Variants in MINAR1 observed in about 807,000 individuals in gnomAD.
MINAR1 encodes membrane integral NOTCH2 associated receptor 1, also known as major intrinsically disordered Notch2-binding receptor 1.
Under a neutral mutation model 65.1 loss-of-function variants are expected in MINAR1, and 40 were observed. The observed-to-expected ratio is 0.61, with a 90% confidence interval of 0.48 to 0.80. The LOEUF is 0.80. Ranked by LOEUF, MINAR1 falls within the 30% of genes least tolerant of loss-of-function variation. The pLI is 0.00. For missense variants in MINAR1, 1,128 were observed against 1,148.0 expected (o/e 0.98, Z 0.25); for synonymous variants, 482 against 449.1 (o/e 1.07, Z -0.93).
chr15:79,454,738 A>T (rs200675348), intron 1 of MINAR1, among the ~76,000 whole-genome samples: 14 of 83,236 alleles, frequency 1.7e-4, no homozygotes, highest in East Asian at 9.5e-4. Context: ...GATGGGAAAT[A>T]AAAAAAAACC....
chr15:79,425,920 A>T, the MINAR1 span: 2,735 of 152,530 alleles, frequency 0.018, 86 homozygotes, highest in East Asian at 0.1. Flanking sequence ...GTTCTGTTTC[A>T]TCATGGCTGG....
Position 79,433,614 on chromosome 15 carries a change from ATAT to A in MINAR1, c.-51+1078_-51+1080del, listed in dbSNP as rs1437559889. Among the ~76,000 whole-genome samples the A allele has an allele frequency of 2.6e-5, 4 of 152,272 alleles. No individual in the cohort carries two copies. The East Asian group carries it at 5.8e-4, about 22-fold the overall frequency. ...GGGCTCTGCAATTTTATGCTCTGTG[ATAT>A]TATGCATGGCATGAAGAGTTGCTAG... On this transcript the variant is annotated intron_variant, in intron 1 of 3. Coordinates refer to ENST00000305428, the MANE Select transcript of MINAR1 (RefSeq NM_015206.3).
rs1197239114 is a variant in MINAR1 at position 79,442,747 on chromosome 15, T to C, written c.-51+10207T>C. Among the ~76,000 whole-genome samples the C allele has an allele frequency of 6.6e-5, 10 of 151,868 alleles. 1 individual carries two copies. In the South Asian group the frequency reaches 1.0e-3, roughly 16 times the overall value. ...CAGGTCTCGGTAAAAGCAGATAAAT[T>C]GGAACTTGTTTATCTAGTGTTTTTA... is the stretch of plus-strand genomic sequence containing the variant. On this transcript the variant is annotated intron_variant, in intron 1 of 3. Transcript: ENST00000305428.
In MINAR1 at chr15:79,456,680, T is replaced by G. The variant is rs772717180; in HGVS notation, c.533T>G (p.Leu178Arg). The G allele has an allele frequency of 6.2e-7, 1 of 1,614,158 alleles. No homozygotes were observed. Among genetic ancestry groups the G allele is most frequent in the African/African-American group, 1.3e-5 (1 of 75,018 alleles). Residue 178 changes from leucine to arginine, a missense_variant, in exon 2 of 4, where the codon CTG becomes CGG. Leu to Arg is a moderately radical substitution (Grantham distance 102). Transcript: ENST00000305428. Reference protein sequence around the residue: ...QFVPASEPNFLLGVSKEVKNR... With the variant: ...QFVPASEPNFRLGVSKEVKNR... ...GTCCCTGCCTCTGAGCCTAACTTCC[T>G]GTTGGGAGTTAGCAAAGAGGTGAAA...
chr15:79,432,075 T>C (rs1350148477), upstream of MINAR1, among the ~76,000 whole-genome samples: 1 of 151,592 alleles, frequency 6.6e-6, no homozygotes, highest in Non-Finnish European at 1.5e-5. Flanking sequence ...CCAGCCGCGT[T>C]CCCGGCCCGC....
Position 79,457,724 on chromosome 15 carries a change from A to G in MINAR1, c.1577A>G (p.Asp526Gly), listed in dbSNP as rs1305156948. 1.2e-6 allele frequency: 2 copies of G among 1,614,208 alleles called. No individual in the cohort carries two copies. The highest frequency in any genetic ancestry group is 1.7e-6 in the Non-Finnish European group (2 of 1,180,040). ...ATCAGTGACATTTTCCGATTTCTTG[A>G]TGACATGAGCATCAGTGGCTCCACG... is the stretch of plus-strand genomic sequence containing the variant. ...DDISDIFRFL[D>G]DMSISGSTGV... The change falls in exon 2 of 4, where the codon GAT becomes GGT. Residue 526 changes from aspartate to glycine, a missense_variant. Asp to Gly is a moderately conservative substitution (Grantham distance 94). Coordinates refer to ENST00000305428, the MANE Select transcript of MINAR1 (RefSeq NM_015206.3).
In MINAR1 at chr15:79,469,883, G is replaced by C. The variant is rs1022958538; in HGVS notation, c.*1499G>C. On this transcript the variant is annotated 3_prime_UTR_variant, in exon 4 of 4. Coordinates refer to ENST00000305428, the MANE Select transcript of MINAR1 (RefSeq NM_015206.3). ...CGTATGATATAATAAATTTCTAAAA[G>C]ATTTGAGAGCATCTCAATTTTTAAA... The C allele has an allele frequency of 2.0e-5, 3 of 152,642 alleles. No homozygotes were observed. Among genetic ancestry groups the C allele is most frequent in the Non-Finnish European group, 4.4e-5 (3 of 68,032 alleles). The allele number at this position is 152,642 out of a possible 1,614,324, so 9.5% of individuals were successfully genotyped here.
At chr15:79,424,079 C>G in the MINAR1 span, 1 of 152,202 alleles carries the variant, frequency 6.6e-6, no homozygotes, top group South Asian at 2.1e-4. Flanking sequence ...GTCTACCAAC[C>G]TAACATCCCT....
chr15:79,433,982 C>A (rs766543961), intron 1 of MINAR1, among the ~76,000 whole-genome samples: 2 of 152,094 alleles, frequency 1.3e-5, no homozygotes, highest in East Asian at 3.8e-4. Context: ...GAGCAGGAGA[C>A]GGTGGTGAGT....
chr15:79,472,242 A>G lies in MINAR1; in HGVS notation c.*3858A>G, dbSNP rs1415650322. On this transcript the variant is annotated 3_prime_UTR_variant, in exon 4 of 4. Transcript: ENST00000305428. ...TGGTTAATGTACAATGGTTGGTTTG[A>G]AGCTATCATGTAAAATTGGCCTCTC... 6.6e-6 allele frequency: 1 copy of G among 152,646 alleles called. No individual in the cohort carries two copies. The highest frequency in any genetic ancestry group is 1.5e-5 in the Non-Finnish European group (1 of 68,040). The allele number at this position is 152,646 out of a possible 1,614,324, so 9.5% of individuals were successfully genotyped here.
chr15:79,439,209 A>T (rs1894775817), intron 1 of MINAR1, among the ~76,000 whole-genome samples: 1 of 12,720 alleles, frequency 7.9e-5, no homozygotes, highest in Non-Finnish European at 1.8e-4. Flanking sequence ...GTGGGTAGTG[A>T]GTGTGTGGGG....
upstream of MINAR1, among the ~76,000 whole-genome samples, chr15:79,430,107 T>C (rs567666492): frequency 6.6e-6 from 1 of 152,358 alleles, no homozygotes; most frequent in African/African-American, 2.4e-5. Flanking sequence ...TGGCTGGAAC[T>C]GAGTAACTGT....
rs1209719022 is a variant in MINAR1 at position 79,456,308 on chromosome 15, C to A, written c.161C>A (p.Ala54Asp). 1 of 1,614,200 alleles carries A rather than the reference C, an allele frequency of 6.2e-7. No homozygotes were observed. Among genetic ancestry groups the A allele is most frequent in the Non-Finnish European group, 8.5e-7 (1 of 1,180,044 alleles). The change falls in exon 2 of 4, where the codon GCT becomes GAT. Residue 54 changes from alanine (A) to aspartate (D), a missense_variant. Coordinates refer to ENST00000305428, the MANE Select transcript of MINAR1 (RefSeq NM_015206.3). The part of the protein sequence containing the change: ...AKLRSVLFYT[A>D]CLDPNFPATL... ...CTGAGAAGTGTGCTCTTCTACACAG[C>A]TTGTCTCGATCCCAATTTTCCAGCC...
upstream of MINAR1, among the ~76,000 whole-genome samples, chr15:79,431,993 T>C (rs11858958): frequency 0.38 from 57,934 of 151,952 alleles, 12,003 homozygotes; most frequent in African/African-American, 0.55. Flanking sequence ...GTGCGCTCAG[T>C]TGCTGCCCGT....
chr15:79,429,962 T>C (rs1452768844), upstream of MINAR1, among the ~76,000 whole-genome samples: 1 of 151,858 alleles, frequency 6.6e-6, no homozygotes, highest in African/African-American at 2.4e-5. Context: ...GAGGGGTGAG[T>C]GGCCACAAGT....
chr15:79,460,694 TC>T (rs1895613283), intron 2 of MINAR1, among the ~76,000 whole-genome samples: 1 of 152,188 alleles, frequency 6.6e-6, no homozygotes, highest in Admixed American at 6.5e-5. Flanking sequence ...GGCCCCCTAT[TC>T]CCCACTCTTC....
chr15:79,431,823 C>T (rs1322914507), upstream of MINAR1, among the ~76,000 whole-genome samples: 1 of 152,232 alleles, frequency 6.6e-6, no homozygotes, highest in African/African-American at 2.4e-5. Flanking sequence ...CTCGCTTTCC[C>T]CTCGGCGCTG....
At chr15:79,460,889 G>T (rs561620860) in intron 2 of MINAR1, among the ~76,000 whole-genome samples, 3 of 152,260 alleles carry the variant, frequency 2.0e-5, no homozygotes, top group African/African-American at 7.2e-5. Context: ...CACCCATTCA[G>T]TAAACACTAA....
At chr15:79,429,082 G>A (rs1040130492), upstream of MINAR1, among the ~76,000 whole-genome samples, 1 of 152,192 alleles carries the variant, frequency 6.6e-6, no homozygotes, top group Admixed American at 6.5e-5. Flanking sequence ...AAGCAGCTGA[G>A]ATAAGAAGGG....
Sources: gnomAD v4.1 joint callset for allele counts (sites outside exome capture counted in the v4.1 genomes callset) on GRCh38, gnomAD v4.1.1 for gene constraint, MANE v1.5 for transcripts, NCBI Gene and HGNC (gene_info 2026-07-23, HGNC 2026-07-21) for gene names.